The following OR7A5 variants were observed in gnomAD, a reference collection of about 807,000 sequenced individuals.
The protein encoded by OR7A5 is olfactory receptor 7A5.
For synonymous variants in OR7A5, 140 were observed against 146.7 expected, an observed-to-expected ratio of 0.95 and a Z score of 0.33; for missense variants, 319 against 377.9, an observed-to-expected ratio of 0.84 and a Z score of 1.29.
At position 14,827,902 on chromosome 19, in the gene OR7A5, G is replaced by C. The variant is rs1420733955; in HGVS notation, c.340C>G (p.Leu114Val). ...FILFAGFENF[L>V]LSVMAYDRFV... The stretch of plus-strand genomic sequence containing the variant: ...CGGTCATAGGCCATCACGGACAGGA[G>C]GAAGTTTTCAAATCCAGCAAAGAGT... The change falls in exon 2 of 2, where the codon CTC (leucine) becomes GTC (valine). Residue 114 changes from leucine (L) to valine (V), a missense_variant. Transcript: ENST00000322301. 6.2e-7 allele frequency: 1 copy of C among 1,614,202 alleles called. No individual in the cohort carries two copies. The highest frequency in any genetic ancestry group is 8.5e-7 in the Non-Finnish European group (1 of 1,180,038).
In OR7A5 at chr19:14,827,657, A is replaced by T; in HGVS notation, c.585T>A (p.Asn195Lys). ...IQLACSDSFL[N>K]HMVIYFTVAL... The stretch of plus-strand genomic sequence containing the variant: ...CAACTGTAAAATATATCACCATGTG[A>T]TTAAGAAAGCTATCAGAACAAGCAA... Residue 195 changes from asparagine to lysine, a missense_variant, in exon 2 of 2, where the codon AAT becomes AAA. Coordinates refer to ENST00000322301, the MANE Select transcript of OR7A5 (RefSeq NM_017506.2). The T allele has an allele frequency of 6.2e-7, 1 of 1,614,238 alleles. No homozygotes were observed. Among genetic ancestry groups the T allele is most frequent in the East Asian group, 2.2e-5 (1 of 44,888 alleles).
chr19:14,827,959 T>C lies in OR7A5; in HGVS notation c.283A>G (p.Ile95Val), dbSNP rs1489997380. The change falls in exon 2 of 2, where the codon ATA becomes GTA. Residue 95 changes from isoleucine (I) to valine (V), a missense_variant. Transcript: ENST00000322301. ...AAATACATCTGCATGAGGCAGGCTATGTAGGTGATGACTTTGTTCTGTGTC... is the reference window on the plus strand; with the variant it reads ...AAATACATCTGCATGAGGCAGGCTACGTAGGTGATGACTTTGTTCTGTGTC... ...IQTQNKVITYIACLMQMYFFI... is the reference protein window; with the variant it reads ...IQTQNKVITYVACLMQMYFFI... 1.9e-6 allele frequency: 3 copies of C among 1,614,080 alleles called. No homozygotes were observed. The highest frequency in any genetic ancestry group is 2.5e-6 in the Non-Finnish European group (3 of 1,180,046).
intron 1 of OR7A5, among the ~76,000 whole-genome samples, chr19:14,831,785 T>C (rs1035062058): frequency 1.3e-5 from 2 of 152,030 alleles, no homozygotes; most frequent in African/African-American, 4.8e-5. Context: ...TGAATTTTGA[T>C]CACTTTTTTG....
At chr19:14,829,080 C>G (rs547443055) in intron 1 of OR7A5, among the ~76,000 whole-genome samples, 1 of 152,122 alleles carries the variant, frequency 6.6e-6, no homozygotes, top group Non-Finnish European at 1.5e-5. Flanking sequence ...TATTCAAGAC[C>G]TGCAAACAAG....
rs1241728782 is a variant in OR7A5, at chr19:14,826,911, C to CA, written c.*370dup. 1 of 163,298 alleles carries CA rather than the reference C, an allele frequency of 6.1e-6. No homozygotes were observed. Among genetic ancestry groups the CA allele is most frequent in the African/African-American group, 2.4e-5 (1 of 41,694 alleles). 10.1% of individuals were successfully genotyped at this position (163,298 alleles called of 1,614,324 possible). The stretch of plus-strand genomic sequence containing the variant: ...TAGGACTGAAGAATACAAAAGTGAA[C>CA]AAATTGTGGTCTCAGGTCATATTCC... On this transcript the variant is annotated 3_prime_UTR_variant, in exon 2 of 2. Transcript: ENST00000322301.
chr19:14,833,822 G>A (rs528023406), intron 1 of OR7A5, among the ~76,000 whole-genome samples: 24 of 152,296 alleles, frequency 1.6e-4, no homozygotes, highest in Admixed American at 5.2e-4. Flanking sequence ...CAGCCTGAGC[G>A]GGGATGGAGT....
At chr19:14,829,667 TTGCACC>T (rs1373873250) in intron 1 of OR7A5, among the ~76,000 whole-genome samples, 3 of 152,220 alleles carry the variant, frequency 2.0e-5, no homozygotes, top group Non-Finnish European at 4.4e-5. Context: ...CTAGATGCTG[TTGCACC>T]TGCACTTTAT....
chr19:14,829,246 C>T (rs753960383), intron 1 of OR7A5, among the ~76,000 whole-genome samples: 14 of 152,230 alleles, frequency 9.2e-5, no homozygotes, highest in South Asian at 2.1e-4. Flanking sequence ...GCTCTGTTGC[C>T]GGGCTGGAGC....
chr19:14,833,995 C>CCGGGTACTCTAATTTTGGTGACAGAAATA (rs1555696582), intron 1 of OR7A5, among the ~76,000 whole-genome samples: 2 of 152,148 alleles, frequency 1.3e-5, no homozygotes, highest in South Asian at 2.1e-4. Flanking sequence ...CGTGGTGGCA[C>CCGGGTACTCTAATTTTGGTGACAGAAATA]ACGTCTGCAA....
Position 14,827,454 on chromosome 19 carries a change from G to A in OR7A5, c.788C>T (p.Ala263Val). ...GAILGVYLSS[A>V]ATRNSHSSAT... ...ACTTGAGTGTGAGTTGCGGGTGGCA[G>A]CAGAACTAAGGTACACCCCTAGGAT... is the stretch of plus-strand genomic sequence containing the variant. Residue 263 changes from alanine (A) to valine (V), a missense_variant, in exon 2 of 2, where the codon GCT (alanine) becomes GTT (valine). Transcript: ENST00000322301. 6.2e-7 allele frequency: 1 copy of A among 1,614,126 alleles called. No individual in the cohort carries two copies. Among genetic ancestry groups the A allele is most frequent in the Non-Finnish European group, 8.5e-7 (1 of 1,180,006 alleles).
In OR7A5 at chr19:14,826,390, A is replaced by G. The variant is rs2044768001; in HGVS notation, c.*892T>C. On this transcript the variant is annotated 3_prime_UTR_variant, in exon 2 of 2. Coordinates refer to ENST00000322301, the MANE Select transcript of OR7A5 (RefSeq NM_017506.2). ...TTATAATGAAGGAGGTATTTTGGTT[A>G]GTGGGATAGAAGGATTCGTATTTGT... 1 of 152,222 alleles carries G rather than the reference A, an allele frequency of 6.6e-6. No homozygotes were observed. Among genetic ancestry groups the G allele is most frequent in the Admixed American group, 6.5e-5 (1 of 15,280 alleles). The allele number at this position is 152,222 out of a possible 1,614,324, so 9.4% of individuals were successfully genotyped here.
At position 14,827,448 on chromosome 19, in the gene OR7A5, G is replaced by T. The variant is rs756216828; in HGVS notation, c.794C>A (p.Thr265Asn). ...TGTTGCACTTGAGTGTGAGTTGCGGGTGGCAGCAGAACTAAGGTACACCCC... is the reference window on the plus strand; with the variant it reads ...TGTTGCACTTGAGTGTGAGTTGCGGTTGGCAGCAGAACTAAGGTACACCCC... ...ILGVYLSSAATRNSHSSATAS... is the reference protein window; with the variant it reads ...ILGVYLSSAANRNSHSSATAS... The change falls in exon 2 of 2, where the codon ACC (threonine) becomes AAC (asparagine). Residue 265 changes from threonine (T) to asparagine (N), a missense_variant. By Grantham distance (65) the Thr-to-Asn change is moderately conservative. Transcript: ENST00000322301. The T allele has an allele frequency of 9.9e-6, 16 of 1,614,138 alleles. No homozygotes were observed. In the South Asian group the frequency reaches 1.6e-4, roughly 17 times the overall value.
chr19:14,832,607 AAT>A (rs1442000028), intron 1 of OR7A5, among the ~76,000 whole-genome samples: 1 of 150,852 alleles, frequency 6.6e-6, no homozygotes, highest in African/African-American at 2.4e-5. Flanking sequence ...TTGTATTTTT[AAT>A]AGAGTCGGGG....
chr19:14,831,048 C>A (rs2044827405), intron 1 of OR7A5, among the ~76,000 whole-genome samples: 1 of 152,202 alleles, frequency 6.6e-6, no homozygotes, highest in South Asian at 2.1e-4. Flanking sequence ...CTGCCCATTG[C>A]ACCCTTGCAA....
At chr19:14,834,508 C>A (rs982740086) in intron 1 of OR7A5, among the ~76,000 whole-genome samples, 4 of 152,150 alleles carry the variant, frequency 2.6e-5, no homozygotes, top group Non-Finnish European at 1.5e-5. Flanking sequence ...AAGTACAGCT[C>A]ATTAGTACAT....
chr19:14,832,551 C>G (rs974399875), intron 1 of OR7A5, among the ~76,000 whole-genome samples: 6 of 151,716 alleles, frequency 4.0e-5, no homozygotes, highest in Middle Eastern at 6.3e-3. Context: ...CTCAACCTCC[C>G]AAGTAGCTGG....
chr19:14,830,844 G>A (rs182080789), intron 1 of OR7A5, among the ~76,000 whole-genome samples: 1 of 152,276 alleles, frequency 6.6e-6, no homozygotes, highest in Admixed American at 6.5e-5. Context: ...ACCCTCGTGT[G>A]CCAATGACTC....
chr19:14,833,478 C>CA (rs1171643428), intron 1 of OR7A5, among the ~76,000 whole-genome samples: 1 of 150,574 alleles, frequency 6.6e-6, no homozygotes, highest in African/African-American at 2.4e-5. Context: ...GACTCCGTCT[C>CA]AAAAAAAAAG....
At chr19:14,832,441 T>C (rs1333393556) in intron 1 of OR7A5, among the ~76,000 whole-genome samples, 1 of 150,618 alleles carries the variant, frequency 6.6e-6, no homozygotes, top group Admixed American at 6.6e-5. Context: ...TTTCTTTTTT[T>C]TTTTTAATGG....
Sources: allele counts gnomAD v4.1 joint callset (sites outside exome capture counted in the v4.1 genomes callset), GRCh38; gene constraint gnomAD v4.1.1; transcripts MANE v1.5; gene names NCBI Gene and HGNC (gene_info 2026-07-23, HGNC 2026-07-21).